PACS1: variants seen among roughly 807,000 people sequenced by gnomAD.
The protein encoded by PACS1 is PACS-1.
In PACS1, 24 loss-of-function variants were observed where a neutral mutation model predicts 115.0. The observed-to-expected ratio is 0.21, with a 90% CI of 0.15 to 0.29. PACS1 has a LOEUF of 0.29. PACS1 is among the 10% of genes least tolerant of loss of function. PACS1 has a pLI of 1.00. For missense variants in PACS1, 838 were observed against 1,251.2 expected (o/e 0.67, Z 4.98); for synonymous variants, 453 against 504.5 (o/e 0.90, Z 1.37).
Position 66,233,918 on chromosome 11 carries a change from C to T in PACS1, c.1972C>T (p.Arg658Cys), listed in dbSNP as rs1041485549. ...GACCTCCGACTGGCTTGGCTACATG[C>T]GCTTCCTCATCATCCCCCTCGGTAA... ...NKTSDWLGYMRFLIIPLGSHP... is the reference protein window; with the variant it reads ...NKTSDWLGYMCFLIIPLGSHP... The change falls in exon 16 of 24, where the codon CGC (arginine) becomes TGC (cysteine). Residue 658 changes from arginine to cysteine, a missense_variant. This residue lies in a region of PACS1 where 383 missense variants were observed against 537.0 expected (regional missense o/e 0.71). Transcript: ENST00000320580. This position sits in a 1 kb window ranked among gnomAD's most constrained non-coding sequence, Gnocchi z 4.5. 1.9e-6 allele frequency: 3 copies of T among 1,579,730 alleles called. No homozygotes were observed. The highest frequency in any genetic ancestry group is 1.3e-5 in the African/African-American group (1 of 74,190).
intron 1 of PACS1, among the ~76,000 whole-genome samples, chr11:66,089,987 C>T (rs1221694030): frequency 2.2e-4 from 25 of 112,626 alleles, no homozygotes; most frequent in African/African-American, 8.5e-4. Context: ...GCCTGGAGGA[C>T]AGAGCGAGAC....
intron 1 of PACS1, among the ~76,000 whole-genome samples, chr11:66,118,022 T>A (rs1483239424): frequency 6.6e-6 from 1 of 152,252 alleles, no homozygotes; most frequent in Non-Finnish European, 1.5e-5. Flanking sequence ...ATTTGTGTTC[T>A]GTAGAACCCC....
At chr11:66,138,342 A>T (rs1158538423) in intron 1 of PACS1, among the ~76,000 whole-genome samples, 1 of 152,086 alleles carries the variant, frequency 6.6e-6, no homozygotes, top group East Asian at 1.9e-4. Context: ...GCAACCACCC[A>T]AAGTGGGATT....
chr11:66,216,019 A>C, intron 4 of PACS1, 100 bp from the exon 5 acceptor site: 1 of 1,028,674 alleles, frequency 9.7e-7, no homozygotes, highest in Non-Finnish European at 1.4e-6. Flanking sequence ...AAAACGTATC[A>C]GCAGAATGCT....
chr11:66,155,639 G>C (rs1565127003), intron 1 of PACS1, among the ~76,000 whole-genome samples: 1 of 152,110 alleles, frequency 6.6e-6, no homozygotes, highest in Non-Finnish European at 1.5e-5. Context: ...CATATCCTCT[G>C]TTGAGAATGT....
chr11:66,115,371 T>A (rs567476727), intron 1 of PACS1, among the ~76,000 whole-genome samples: 19 of 152,318 alleles, frequency 1.2e-4, no homozygotes, highest in Admixed American at 5.2e-4. Context: ...GAAATCCTGC[T>A]AATACACTAA....
intron 4 of PACS1, among the ~76,000 whole-genome samples, chr11:66,215,800 T>C (rs1399878429): frequency 6.6e-6 from 1 of 151,572 alleles, no homozygotes; most frequent in Non-Finnish European, 1.5e-5. Context: ...CTTGGGAGCC[T>C]GAGGCAGGAG....
At chr11:66,157,375 G>T (rs756639233) in intron 1 of PACS1, among the ~76,000 whole-genome samples, 1 of 152,258 alleles carries the variant, frequency 6.6e-6, no homozygotes, top group South Asian at 2.1e-4. Flanking sequence ...GCTCCACTAA[G>T]TATTTGCAGT....
Position 66,234,223 on chromosome 11 carries a change from C to T in PACS1, c.2085C>T (p.Arg695=). 3.7e-6 allele frequency: 6 copies of T among 1,613,458 alleles called. No individual in the cohort carries two copies. Among genetic ancestry groups the T allele is most frequent in the Non-Finnish European group, 5.1e-6 (6 of 1,179,386 alleles). Residue 695 remains arginine (R), a synonymous_variant, in exon 17 of 24, where the codon CGC becomes CGT. Transcript: ENST00000320580. ...LDSGWRDLFS[R]SEPPVSEQLD... is the part of the protein sequence containing the mutation. Reference sequence around the variant, plus strand: ...CTGGTTGGAGAGATCTGTTCAGTCGCTCGGAGCCACCAGTGTCAGGTAATG... The same window carrying T: ...CTGGTTGGAGAGATCTGTTCAGTCGTTCGGAGCCACCAGTGTCAGGTAATG...
chr11:66,210,561 G>T (rs1855046978), intron 3 of PACS1, 110 bp downstream of exon 3: 4 of 839,694 alleles, frequency 4.8e-6, no homozygotes, highest in Non-Finnish European at 8.0e-6. Flanking sequence ...CCCCAACTTG[G>T]GCAGGAATGA....
chr11:66,153,959 G>A lies in PACS1; in HGVS notation c.357-39527G>A, dbSNP rs75748775. Among the ~76,000 whole-genome samples the A allele has an allele frequency of 8.3e-3, 1,264 of 152,148 alleles. 86 individuals carry two copies. In the East Asian group the frequency reaches 0.17, roughly 21 times the overall value. On this transcript the variant is annotated intron_variant, in intron 1 of 23. Transcript: ENST00000320580. ...GACACAGGTTAAAAGTGAAAGGATG[G>A]AAAAAGATTATACCATGAAAAGAAT...
rs970773387 is a variant in PACS1, at chr11:66,148,154, A to T, written c.357-45332A>T. ...TTAAAAATGTACTTTTTAAAAATTA[A>T]TTATTATTATTATTTTTTGAGACAG... On this transcript the variant is annotated intron_variant, in intron 1 of 23. Coordinates refer to ENST00000320580, the MANE Select transcript of PACS1 (RefSeq NM_018026.4). Among the ~76,000 whole-genome samples, 5 of 152,140 alleles carry T rather than the reference A, an allele frequency of 3.3e-5. No individual in the cohort carries two copies. The East Asian group carries it at 9.7e-4, about 29-fold the overall frequency.
At chr11:66,086,294 T>A (rs1465527114) in intron 1 of PACS1, among the ~76,000 whole-genome samples, 2 of 150,318 alleles carry the variant, frequency 1.3e-5, no homozygotes, top group African/African-American at 4.9e-5. Flanking sequence ...GCCCGCTACC[T>A]CGCCCGGCTA....
intron 1 of PACS1, among the ~76,000 whole-genome samples, chr11:66,144,283 A>C (rs943826477): frequency 5.9e-5 from 9 of 152,254 alleles, no homozygotes; most frequent in African/African-American, 2.2e-4. Flanking sequence ...TTGCAGTTTT[A>C]GTAGGGTAAG....
Position 66,216,586 on chromosome 11 carries a change from G to T in PACS1, c.872G>T (p.Gly291Val). 1.9e-6 allele frequency: 3 copies of T among 1,614,076 alleles called. No homozygotes were observed. The highest frequency in any genetic ancestry group is 1.7e-4 in the Middle Eastern group (1 of 6,060). Residue 291 changes from glycine to valine, a missense_variant, in exon 6 of 24, where the codon GGC becomes GTC. Gly to Val is a moderately radical substitution (Grantham distance 109). This residue lies in a region of PACS1 where 223 missense variants were observed against 354.0 expected (regional missense o/e 0.63). Coordinates refer to ENST00000320580, the MANE Select transcript of PACS1 (RefSeq NM_018026.4). ...GAGAGTTTCTCATCAGAACAGGAAG[G>T]CAGTGATGATCCATTGCATGGGCAG... Reference protein sequence around the residue: ...EEESFSSEQEGSDDPLHGQDL... With the variant: ...EEESFSSEQEVSDDPLHGQDL...
At position 66,097,105 on chromosome 11, in the gene PACS1, TG is replaced by T. The variant is rs540379047; in HGVS notation, c.356+26264del. Among the ~76,000 whole-genome samples the T allele has an allele frequency of 7.0e-3, 1,065 of 152,236 alleles. 16 individuals are homozygous for T. The highest frequency in any genetic ancestry group is 6.6e-3 in the Non-Finnish European group (446 of 68,008). On this transcript the variant is annotated intron_variant, in intron 1 of 23. Transcript: ENST00000320580. Reference sequence around the variant, plus strand: ...AAACTGCCAATTTTTTCAAAGTGATTGTATCAGTTTGCATTCCCACTAACTG... The same window carrying T: ...AAACTGCCAATTTTTTCAAAGTGATTTATCAGTTTGCATTCCCACTAACTG...
chr11:66,166,006 G>A (rs76092237), intron 1 of PACS1, among the ~76,000 whole-genome samples: 2,626 of 152,176 alleles, frequency 0.017, 87 homozygotes, highest in African/African-American at 0.061. Flanking sequence ...TATTCACCTA[G>A]CAGCAGGGCG....
intron 2 of PACS1, among the ~76,000 whole-genome samples, chr11:66,205,773 C>T (rs1052709608): frequency 2.6e-5 from 4 of 151,588 alleles, no homozygotes; most frequent in Admixed American, 2.6e-4. Context: ...GGATTACAGG[C>T]ATGAGCCACC....
chr11:66,216,889 C>CTTTTTTTTTTTTTTTTTTTTT, intron 7 of PACS1, 114 bp downstream of exon 7: 1 of 593,032 alleles, frequency 1.7e-6, no homozygotes, highest in Admixed American at 2.4e-5. Flanking sequence ...AGGGTCATCC[C>CTTTTTTTTTTTTTTTTTTTTT]TTCAACGATT....
Sources: gnomAD v4.1 joint callset for allele counts (sites outside exome capture counted in the v4.1 genomes callset) on GRCh38, gnomAD v4.1.1 for gene constraint, gnomAD v4.1.1 regional missense constraint, Gnocchi (gnomAD v3.1) non-coding constraint, MANE v1.5 for transcripts, NCBI Gene and HGNC (gene_info 2026-07-23, HGNC 2026-07-21) for gene names.